Variants in PTPRD observed in about 807,000 individuals in gnomAD.
PTPRD encodes protein tyrosine phosphatase receptor type D.
Under a neutral mutation model 214.5 loss-of-function variants are expected in PTPRD, and 34 were observed. The ratio of observed to expected loss-of-function variants is 0.16; its 90% CI spans 0.12 to 0.21. PTPRD has a LOEUF of 0.21. PTPRD is among the 10% of genes least tolerant of loss of function. PTPRD has a pLI of 1.00. For synonymous variants in PTPRD, 1,128 were observed against 845.7 expected (o/e 1.33, Z -5.79); for missense variants, 2,545 against 2,398.7 (o/e 1.06, Z -1.27).
At chr9:9,240,040 G>C (rs1318066104) in intron 9 of PTPRD, among the ~76,000 whole-genome samples, 2 of 152,126 alleles carry the variant, frequency 1.3e-5, no homozygotes, top group African/African-American at 4.8e-5. Context: ...GAAAAACATA[G>C]ATTATGCTTA....
intron 11 of PTPRD, among the ~76,000 whole-genome samples, chr9:8,778,227 AT>A (rs1303867303): frequency 6.6e-6 from 1 of 152,244 alleles, no homozygotes; most frequent in Non-Finnish European, 1.5e-5. Flanking sequence ...TGATTGGCAA[AT>A]TATAACATTT....
chr9:9,723,581 T>C (rs565158249), intron 7 of PTPRD, among the ~76,000 whole-genome samples: 3 of 152,040 alleles, frequency 2.0e-5, no homozygotes, highest in African/African-American at 4.8e-5. Flanking sequence ...GGGATTCCGA[T>C]TGAGATTACA....
rs1248202438 is a variant in PTPRD, at chr9:10,441,936, G to A, written c.-599-100919C>T. Among the ~76,000 whole-genome samples the A allele has an allele frequency of 4.6e-5, 7 of 151,566 alleles. No homozygotes were observed. The South Asian group carries it at 1.5e-3, about 31-fold the overall frequency. On this transcript the variant is annotated intron_variant, in intron 2 of 45. Coordinates refer to ENST00000381196, the MANE Select transcript of PTPRD (RefSeq NM_002839.4). Reference sequence around the variant, plus strand: ...GTTGACAAGACTAAATATGTCTACTGTCACAAGACACATCATGTCTGATGA... The same window carrying A: ...GTTGACAAGACTAAATATGTCTACTATCACAAGACACATCATGTCTGATGA...
At chr9:8,684,052 G>A (rs1003266497) in intron 12 of PTPRD, among the ~76,000 whole-genome samples, 1 of 152,114 alleles carries the variant, frequency 6.6e-6, no homozygotes, top group African/African-American at 2.4e-5. Context: ...CCCCTCCTTA[G>A]AGTCTTCTCA....
chr9:10,363,238 A>C (rs1205158153), intron 2 of PTPRD, among the ~76,000 whole-genome samples: 2 of 152,238 alleles, frequency 1.3e-5, no homozygotes, highest in Non-Finnish European at 2.9e-5. Context: ...ATTTTTAAGA[A>C]GTTCCCAGGT....
chr9:10,515,602 A>C (rs912148534), intron 2 of PTPRD, among the ~76,000 whole-genome samples: 1 of 152,002 alleles, frequency 6.6e-6, no homozygotes, highest in African/African-American at 2.4e-5. Flanking sequence ...AGAATACTTA[A>C]TATAAGATCT....
At chr9:9,178,686 T>C (rs919431241) in intron 10 of PTPRD, among the ~76,000 whole-genome samples, 1 of 152,118 alleles carries the variant, frequency 6.6e-6, no homozygotes, top group African/African-American at 2.4e-5. Flanking sequence ...GTCATTACAT[T>C]TTACATATTG....
At chr9:8,574,258 T>A (rs1215422192) in intron 14 of PTPRD, among the ~76,000 whole-genome samples, 1 of 152,016 alleles carries the variant, frequency 6.6e-6, no homozygotes, top group East Asian at 1.9e-4. Context: ...TAACAACTGA[T>A]AATACGCCAT....
intron 9 of PTPRD, among the ~76,000 whole-genome samples, chr9:9,319,502 C>G (rs1229315590): frequency 6.6e-6 from 1 of 152,274 alleles, no homozygotes; most frequent in South Asian, 2.1e-4. Flanking sequence ...TAGTTTCAGA[C>G]TAGCAGAAAT....
At chr9:10,271,445 T>C (rs1339017195) in intron 3 of PTPRD, among the ~76,000 whole-genome samples, 5 of 144,680 alleles carry the variant, frequency 3.5e-5, no homozygotes, top group African/African-American at 4.9e-5. Flanking sequence ...TTCACAAAAA[T>C]TGCAATGAAA....
chr9:9,466,734 C>G lies in PTPRD; in HGVS notation c.-236-69252G>C, dbSNP rs191528501. ...TTTTTCTTAAAGCAAGTTTCCATAT[C>G]TATTTTTTCCTGGACTTTTTGATTT... On this transcript the variant is annotated intron_variant, in intron 8 of 45. Coordinates refer to ENST00000381196, the MANE Select transcript of PTPRD (RefSeq NM_002839.4). 8.5e-4 allele frequency among the ~76,000 whole-genome samples: 129 copies of G among 152,210 alleles called. 1 individual carries two copies. The highest frequency in any genetic ancestry group is 1.5e-5 in the Non-Finnish European group (1 of 67,996).
intron 7 of PTPRD, among the ~76,000 whole-genome samples, chr9:9,676,712 AC>A (rs2096937904): frequency 6.6e-6 from 1 of 152,124 alleles, no homozygotes; most frequent in Admixed American, 6.6e-5. Context: ...ACTGACTTCC[AC>A]AATGGTTGAA....
At chr9:9,243,029 T>A (rs994691444) in intron 9 of PTPRD, among the ~76,000 whole-genome samples, 2 of 152,130 alleles carry the variant, frequency 1.3e-5, no homozygotes, top group African/African-American at 2.4e-5. Flanking sequence ...GGTGTGGATA[T>A]CCCTTCTGTT....
rs577915701 is a variant in PTPRD, at chr9:9,056,670, G to A, written c.-142-37935C>T. On this transcript the variant is annotated intron_variant, in intron 10 of 45. Transcript: ENST00000381196. Reference sequence around the variant, plus strand: ...CAGTAATGGTTTTTTGGGATTTTAGGCTGAATAAGGTTGTGCTTATAAGCC... The same window carrying A: ...CAGTAATGGTTTTTTGGGATTTTAGACTGAATAAGGTTGTGCTTATAAGCC... Among the ~76,000 whole-genome samples, 24 of 152,258 alleles carry A rather than the reference G, an allele frequency of 1.6e-4. No individual in the cohort carries two copies. In the South Asian group the frequency reaches 2.9e-3, roughly 18 times the overall value.
At chr9:9,655,712 T>G (rs61229108) in intron 7 of PTPRD, among the ~76,000 whole-genome samples, 1 of 151,734 alleles carries the variant, frequency 6.6e-6, no homozygotes, top group Non-Finnish European at 1.5e-5. Flanking sequence ...GTGCGGTGGC[T>G]CACAACTGTA....
At chr9:9,262,979 A>G (rs1415050849) in intron 9 of PTPRD, among the ~76,000 whole-genome samples, 1 of 151,664 alleles carries the variant, frequency 6.6e-6, no homozygotes, top group Admixed American at 6.6e-5. Flanking sequence ...GCCAAATGCA[A>G]ACACATCTGA....
At chr9:9,267,649 A>T (rs1940627451) in intron 9 of PTPRD, among the ~76,000 whole-genome samples, 1 of 151,294 alleles carries the variant, frequency 6.6e-6, no homozygotes, top group Admixed American at 6.6e-5. Flanking sequence ...AGCAAAATGA[A>T]TTCAATAGCT....
intron 39 of PTPRD, among the ~76,000 whole-genome samples, chr9:8,373,715 C>G (rs2082242185): frequency 1.3e-5 from 2 of 150,586 alleles, no homozygotes; most frequent in South Asian, 4.2e-4. Context: ...TTGCTATTTG[C>G]TTGCAAACAT....
intron 3 of PTPRD, among the ~76,000 whole-genome samples, chr9:10,065,292 C>A (rs2097857654): frequency 6.6e-6 from 1 of 151,894 alleles, no homozygotes; most frequent in Admixed American, 6.6e-5. Flanking sequence ...CGCAGAGTTG[C>A]ACGATGTTAG....
Sources: allele counts gnomAD v4.1 joint callset (sites outside exome capture counted in the v4.1 genomes callset), GRCh38; gene constraint gnomAD v4.1.1; transcripts MANE v1.5; gene names NCBI Gene and HGNC (gene_info 2026-07-23, HGNC 2026-07-21).